Variants in GLP2R observed in about 807,000 individuals in gnomAD.
The protein encoded by GLP2R is glucagon-like peptide 2 receptor.
GLP2R carries 59 observed loss-of-function variants against 68.2 expected under a neutral mutation model. The ratio of observed to expected loss-of-function variants is 0.87; its 90% CI spans 0.70 to 1.07. GLP2R has a LOEUF of 1.07. GLP2R is among the 50% of genes least tolerant of loss of function. GLP2R has a pLI of 0.00. For synonymous variants in GLP2R, 270 were observed against 265.4 expected (o/e 1.02, Z -0.17); for missense variants, 548 against 677.4 (o/e 0.81, Z 2.12).
chr17:9,880,329 C>T, intron 10 of GLP2R, 49 bp from the exon 11 acceptor site: 1 of 1,298,604 alleles, frequency 7.7e-7, no homozygotes, highest in African/African-American at 1.5e-5. Context: ...GGAAATGTTG[C>T]TTGTTCCCCA....
chr17:9,863,736 C>T (rs2152041075), intron 9 of GLP2R, among the ~76,000 whole-genome samples: 1 of 152,276 alleles, frequency 6.6e-6, no homozygotes, highest in Non-Finnish European at 1.5e-5. Flanking sequence ...TGAAAATGGC[C>T]ACACTCTCCT....
At chr17:9,836,892 C>T (rs2066736747) in intron 3 of GLP2R, among the ~76,000 whole-genome samples, 2 of 152,130 alleles carry the variant, frequency 1.3e-5, no homozygotes, top group South Asian at 4.2e-4. Flanking sequence ...CTCTGTCGCC[C>T]AGGCTGGAGT....
intron 6 of GLP2R, among the ~76,000 whole-genome samples, chr17:9,859,107 C>T (rs919630558): frequency 7.9e-5 from 12 of 152,048 alleles, no homozygotes; most frequent in South Asian, 6.2e-4. Flanking sequence ...TAAGGCTATA[C>T]GTTTTATTAT....
At chr17:9,882,929 C>T (rs1018075240) in intron 11 of GLP2R, among the ~76,000 whole-genome samples, 1 of 147,248 alleles carries the variant, frequency 6.8e-6, no homozygotes, top group African/African-American at 2.6e-5. Flanking sequence ...TCTAAAACTT[C>T]CAGTTTTTTC....
At position 9,833,874 on chromosome 17, in the gene GLP2R, A is replaced by G. The variant is rs1317427348; in HGVS notation, c.257A>G (p.Asp86Gly). The stretch of plus-strand genomic sequence containing the variant: ...CAGTACAAACAGGCATGTCTGAGAG[A>G]CTTACTCAAGGAACCTTCTGGTAAG... ...WAQYKQACLR[D>G]LLKEPSGIFC... Residue 86 changes from aspartate to glycine, a missense_variant, in exon 2 of 13, where the codon GAC becomes GGC. By Grantham distance (94) the Asp-to-Gly change is moderately conservative. Transcript: ENST00000262441. The G allele has an allele frequency of 6.2e-7, 1 of 1,611,262 alleles. No homozygotes were observed. Among genetic ancestry groups the G allele is most frequent in the South Asian group, 1.1e-5 (1 of 91,024 alleles).
rs1410925659 is a variant in GLP2R at position 9,891,195 on chromosome 17, T to C, written c.*1490T>C. On this transcript the variant is annotated 3_prime_UTR_variant, in exon 13 of 13. Coordinates refer to ENST00000262441, the MANE Select transcript of GLP2R (RefSeq NM_004246.3). ...AGTCTTCTTGTATAAGTATATCCCATGGGCATATTTAATCTGAGATTGGAA... is the reference window on the plus strand; with the variant it reads ...AGTCTTCTTGTATAAGTATATCCCACGGGCATATTTAATCTGAGATTGGAA... 1 of 152,232 alleles carries C rather than the reference T, an allele frequency of 6.6e-6. No individual in the cohort carries two copies. Among genetic ancestry groups the C allele is most frequent in the East Asian group, 1.9e-4 (1 of 5,194 alleles). 9.4% of individuals were successfully genotyped at this position (152,232 alleles called of 1,614,324 possible).
chr17:9,827,344 T>A (rs899797684), intron 1 of GLP2R, among the ~76,000 whole-genome samples: 5 of 152,244 alleles, frequency 3.3e-5, no homozygotes, highest in African/African-American at 9.6e-5. Context: ...TCCTTCTGTG[T>A]TCTCAGCAAC....
intron 10 of GLP2R, among the ~76,000 whole-genome samples, chr17:9,873,556 C>CTTTTTTTTTTT (rs3073988): frequency 5.8e-5 from 3 of 52,058 alleles, no homozygotes; most frequent in Admixed American, 2.5e-4. Flanking sequence ...TATGCATGGA[C>CTTTTTTTTTTT]TTTTTTTTTT....
intron 4 of GLP2R, among the ~76,000 whole-genome samples, chr17:9,849,191 A>G (rs533372030): frequency 2.8e-4 from 42 of 152,024 alleles, no homozygotes; most frequent in Non-Finnish European, 5.9e-4. Flanking sequence ...GAAAAATTAA[A>G]AGAATAATAT....
intron 8 of GLP2R, 94 bp from the exon 9 acceptor site, chr17:9,861,927 G>A (rs2152040365): frequency 2.3e-6 from 2 of 878,872 alleles, no homozygotes; most frequent in South Asian, 2.8e-5. Context: ...GGGCTTGAGT[G>A]CAAGCATCCT....
chr17:9,836,833 T>C lies in GLP2R; in HGVS notation c.382+358T>C, dbSNP rs2066736102. Among the ~76,000 whole-genome samples the C allele has an allele frequency of 2.6e-5, 4 of 151,410 alleles. No individual in the cohort carries two copies. The South Asian group carries it at 8.3e-4, about 32-fold the overall frequency. Reference sequence around the variant, plus strand: ...AAAATGGACGATCAAGTTATTATTATTATTATTATTATTACTATTATATAT... The same window carrying C: ...AAAATGGACGATCAAGTTATTATTACTATTATTATTATTACTATTATATAT... On this transcript the variant is annotated intron_variant, in intron 3 of 12. Transcript: ENST00000262441.
intron 4 of GLP2R, among the ~76,000 whole-genome samples, chr17:9,845,417 C>T (rs889517167): frequency 2.6e-5 from 4 of 152,252 alleles, no homozygotes; most frequent in South Asian, 2.1e-4. Flanking sequence ...ATTCTTGTCA[C>T]GGGAGCCACC....
At chr17:9,832,531 C>T (rs1344690784) in intron 1 of GLP2R, among the ~76,000 whole-genome samples, 1 of 152,050 alleles carries the variant, frequency 6.6e-6, no homozygotes, top group Non-Finnish European at 1.5e-5. Context: ...CACTGCACTC[C>T]AGCCTGGGTG....
chr17:9,875,262 C>A (rs1220471777), intron 10 of GLP2R, among the ~76,000 whole-genome samples: 3 of 152,146 alleles, frequency 2.0e-5, no homozygotes, highest in Admixed American at 6.5e-5. Flanking sequence ...GGCATTGGCA[C>A]CCCTCAGCTC....
In GLP2R at chr17:9,891,727, G is replaced by A. The variant is rs2067292301; in HGVS notation, c.*2022G>A. On this transcript the variant is annotated 3_prime_UTR_variant, in exon 13 of 13. Transcript: ENST00000262441. ...GCAAAGGTTTATTTTTTGGTGTCCA[G>A]ATTATCCATAGCTCAGTCATGAAAA... 6.6e-6 allele frequency: 1 copy of A among 152,144 alleles called. No individual in the cohort carries two copies. Among genetic ancestry groups the A allele is most frequent in the Non-Finnish European group, 1.5e-5 (1 of 68,026 alleles). 9.4% of individuals were successfully genotyped at this position (152,144 alleles called of 1,614,324 possible). A position where few individuals can be genotyped will look rare whatever the true frequency, so the allele number is the denominator to read the frequency against.
intron 4 of GLP2R, chr17:9,853,147 C>A: frequency 2.1e-6 from 1 of 471,170 alleles, no homozygotes; most frequent in Non-Finnish European, 3.9e-6. Flanking sequence ...TGCAATCATG[C>A]TTTGCACCAG....
At chr17:9,834,042 C>T in intron 2 of GLP2R, 148 bp downstream of exon 2, 2 of 701,376 alleles carry the variant, frequency 2.9e-6, no homozygotes, top group Non-Finnish European at 5.2e-6. Context: ...CTTGTTTCCG[C>T]TCTGTAATGT....
In GLP2R at chr17:9,861,191, G is replaced by T. The variant is rs750323574; in HGVS notation, c.978G>T (p.Glu326Asp). The change falls in exon 8 of 13, where the codon GAG (glutamate) becomes GAT (aspartate). Residue 326 changes from glutamate (E) to aspartate (D), a missense_variant. Glu to Asp is a conservative substitution (Grantham distance 45, BLOSUM62 2). Coordinates refer to ENST00000262441, the MANE Select transcript of GLP2R (RefSeq NM_004246.3). Reference sequence around the variant, plus strand: ...GGGGTTTCGCCCGTGCACACCTGGAGAACACAGGGTAGGTAATTCACCAGG... The same window carrying T: ...GGGGTTTCGCCCGTGCACACCTGGATAACACAGGGTAGGTAATTCACCAGG... ...VPWGFARAHL[E>D]NTGCWTTNGN... The T allele has an allele frequency of 1.7e-5, 27 of 1,609,856 alleles. No individual in the cohort carries two copies. In the South Asian group the frequency reaches 2.9e-4, roughly 17 times the overall value.
At chr17:9,836,187 T>C (rs2066729227) in intron 2 of GLP2R, among the ~76,000 whole-genome samples, 184 bp from the exon 3 acceptor site, 1 of 152,258 alleles carries the variant, frequency 6.6e-6, no homozygotes, top group Non-Finnish European at 1.5e-5. Flanking sequence ...TCAGCATTCC[T>C]GTGGTCCCCA....
Sources: gnomAD v4.1 joint callset for allele counts (sites outside exome capture counted in the v4.1 genomes callset) on GRCh38, gnomAD v4.1.1 for gene constraint, MANE v1.5 for transcripts, NCBI Gene and HGNC (gene_info 2026-07-23, HGNC 2026-07-21) for gene names.